The following PARD3B variants were observed in gnomAD, a reference collection of about 807,000 sequenced individuals.
PARD3B encodes partitioning defective 3 homolog B.
PARD3B carries 103 observed loss-of-function variants against 130.2 expected under a neutral mutation model. The ratio of observed to expected loss-of-function variants is 0.79; its 90% CI spans 0.67 to 0.93. PARD3B has a LOEUF of 0.93. Among genes scored for constraint, PARD3B ranks in the 40% least tolerant of loss-of-function variants. The pLI, the probability that PARD3B is intolerant of heterozygous loss-of-function variation, is 0.00. For missense variants in PARD3B, 1,609 were observed against 1,499.2 expected, an observed-to-expected ratio of 1.07 and a Z score of -1.21; for synonymous variants, 583 against 553.2, an observed-to-expected ratio of 1.05 and a Z score of -0.76.
chr2:205,103,471 T>A (rs907113795), intron 4 of PARD3B, among the ~76,000 whole-genome samples: 1 of 151,978 alleles, frequency 6.6e-6, no homozygotes, highest in East Asian at 1.9e-4. Context: ...AATTTACTTA[T>A]GTCCAGCCTC....
intron 2 of PARD3B, among the ~76,000 whole-genome samples, chr2:204,875,597 CT>C (rs1441673468): frequency 1.3e-5 from 2 of 152,178 alleles, no homozygotes; most frequent in Non-Finnish European, 2.9e-5. Flanking sequence ...TGGTAAGAGA[CT>C]TTGGTTGGCC....
At chr2:205,185,714 G>T (rs377185715) in intron 13 of PARD3B, 50 bp from the exon 14 acceptor site, 1 of 1,507,836 alleles carries the variant, frequency 6.6e-7, no homozygotes, top group Non-Finnish European at 9.2e-7. Flanking sequence ...ACCAGGCATC[G>T]AATGGTTCTG....
At chr2:205,517,469 TTTC>T (rs1320001636) in intron 21 of PARD3B, among the ~76,000 whole-genome samples, 2 of 152,176 alleles carry the variant, frequency 1.3e-5, no homozygotes, top group Admixed American at 6.5e-5. Flanking sequence ...TCTTCTCCTT[TTTC>T]TTCTTTATTA....
At chr2:204,870,626 T>C (rs923441703) in intron 2 of PARD3B, among the ~76,000 whole-genome samples, 1 of 152,154 alleles carries the variant, frequency 6.6e-6, no homozygotes, top group Non-Finnish European at 1.5e-5. Flanking sequence ...TGAGGACACA[T>C]GTTGAAGAGT....
At chr2:205,165,534 A>G (rs2034757917) in intron 11 of PARD3B, among the ~76,000 whole-genome samples, 1 of 147,576 alleles carries the variant, frequency 6.8e-6, no homozygotes, top group Admixed American at 6.6e-5. Context: ...CCTGACCAAC[A>G]TGGTGAAACC....
chr2:205,152,546 C>T lies in PARD3B; in HGVS notation c.1435-6176C>T, dbSNP rs570994884. 4.6e-5 allele frequency among the ~76,000 whole-genome samples: 7 copies of T among 152,270 alleles called. No homozygotes were observed. In the South Asian group the frequency reaches 6.2e-4, roughly 14 times the overall value. ...TACCCTTTCTTCCACTTGATCGAATCGGCTACTGAAGCTTGTGCATGTGTC... is the reference window on the plus strand; with the variant it reads ...TACCCTTTCTTCCACTTGATCGAATTGGCTACTGAAGCTTGTGCATGTGTC... On this transcript the variant is annotated intron_variant, in intron 10 of 22. Coordinates refer to ENST00000406610, the MANE Select transcript of PARD3B (RefSeq NM_001302769.2).
chr2:204,625,902 A>G (rs2125133309), intron 1 of PARD3B, among the ~76,000 whole-genome samples: 1 of 152,266 alleles, frequency 6.6e-6, no homozygotes, highest in South Asian at 2.1e-4. Context: ...GCAGAGACTA[A>G]ATATGCTTAA....
At chr2:204,989,378 T>C (rs953190878) in intron 3 of PARD3B, among the ~76,000 whole-genome samples, 2 of 152,158 alleles carry the variant, frequency 1.3e-5, no homozygotes, top group Admixed American at 6.5e-5. Flanking sequence ...AGCACTTACA[T>C]AGCCAAGGTA....
At chr2:205,330,993 G>A (rs1334131521) in intron 18 of PARD3B, among the ~76,000 whole-genome samples, 4 of 152,038 alleles carry the variant, frequency 2.6e-5, no homozygotes, top group Admixed American at 2.0e-4. Context: ...CTTCCTCGAC[G>A]GAAAAGAAAA....
intron 18 of PARD3B, among the ~76,000 whole-genome samples, chr2:205,392,130 G>T (rs1463164477): frequency 1.3e-5 from 2 of 152,108 alleles, no homozygotes; most frequent in Non-Finnish European, 2.9e-5. Context: ...TAGCCCCTCG[G>T]TATGGGGAAA....
At position 205,245,773 on chromosome 2, in the gene PARD3B, C is replaced by T; in HGVS notation, c.2141-5C>T. On this transcript the variant is annotated splice_region_variant and splice_polypyrimidine_tract_variant and intron_variant, in intron 15 of 22. Transcript: ENST00000406610. ...ATCCTTGTCTCTTTTATTTCTTCTC[C>T]TCAGTGCCAGATGAAAGCAAGGTTC... 2 of 1,595,408 alleles carry T rather than the reference C, an allele frequency of 1.3e-6. No individual in the cohort carries two copies. The highest frequency in any genetic ancestry group is 1.7e-6 in the Non-Finnish European group (2 of 1,164,464).
At chr2:205,336,143 C>A (rs908863217) in intron 18 of PARD3B, among the ~76,000 whole-genome samples, 55 of 152,138 alleles carry the variant, frequency 3.6e-4, no homozygotes, top group African/African-American at 1.3e-3. Flanking sequence ...TGTGAGCCAC[C>A]GCATCCAGCC....
intron 20 of PARD3B, among the ~76,000 whole-genome samples, chr2:205,485,119 A>C (rs968885102): frequency 6.6e-6 from 1 of 152,194 alleles, no homozygotes; most frequent in Non-Finnish European, 1.5e-5. Context: ...ACTTTCCCTT[A>C]AAGTGCCAGT....
At chr2:205,013,095 G>C (rs1312675958) in intron 3 of PARD3B, among the ~76,000 whole-genome samples, 1 of 152,188 alleles carries the variant, frequency 6.6e-6, no homozygotes, top group African/African-American at 2.4e-5. Flanking sequence ...ATGCAAGCTA[G>C]AATCTTTCCT....
intron 20 of PARD3B, among the ~76,000 whole-genome samples, chr2:205,480,503 G>A (rs1286931952): frequency 1.3e-5 from 2 of 152,178 alleles, no homozygotes; most frequent in Non-Finnish European, 2.9e-5. Context: ...CCAGTCAAAT[G>A]TAAGGCCCAT....
chr2:204,942,356 C>T (rs1007956926), intron 2 of PARD3B, among the ~76,000 whole-genome samples: 10 of 152,022 alleles, frequency 6.6e-5, no homozygotes, highest in Non-Finnish European at 1.5e-4. Flanking sequence ...CATCTGAGAA[C>T]CAATATTTCA....
intron 2 of PARD3B, among the ~76,000 whole-genome samples, chr2:204,903,940 C>G (rs2046955926): frequency 6.6e-6 from 1 of 152,128 alleles, no homozygotes; most frequent in Admixed American, 6.5e-5. Flanking sequence ...TGTCGGTCTA[C>G]TATTTGTAAT....
chr2:204,728,237 A>G (rs1186723976), intron 2 of PARD3B, among the ~76,000 whole-genome samples: 3 of 152,086 alleles, frequency 2.0e-5, no homozygotes, highest in African/African-American at 7.2e-5. Context: ...TTTACAGTTT[A>G]TACTCAGCCT....
At chr2:204,968,713 T>A (rs1691457677) in intron 3 of PARD3B, among the ~76,000 whole-genome samples, 1 of 152,234 alleles carries the variant, frequency 6.6e-6, no homozygotes, top group Non-Finnish European at 1.5e-5. Flanking sequence ...CATGAAGCCT[T>A]GTCCAAATCT....
Sources: gnomAD v4.1 joint callset for allele counts (sites outside exome capture counted in the v4.1 genomes callset) on GRCh38, gnomAD v4.1.1 for gene constraint, MANE v1.5 for transcripts, NCBI Gene and HGNC (gene_info 2026-07-23, HGNC 2026-07-21) for gene names.